ULK3: variants seen among roughly 807,000 people sequenced by gnomAD.
The protein encoded by ULK3 is serine/threonine-protein kinase ULK3.
In ULK3, 54 loss-of-function variants were observed where a neutral mutation model predicts 69.4. The ratio of observed to expected loss-of-function variants is 0.78; its 90% CI spans 0.63 to 0.98. ULK3 has a LOEUF of 0.98. Ranked by LOEUF, ULK3 falls within the 50% of genes least tolerant of loss-of-function variation. The probability of loss-of-function intolerance (pLI) is 0.00; values close to 1 mark genes in which losing one functional copy is unlikely to be tolerated. For missense variants in ULK3, 558 were observed against 627.7 expected (o/e 0.89, Z 1.19); for synonymous variants, 240 against 254.5 (o/e 0.94, Z 0.54).
intron 6 of ULK3, 93 bp downstream of exon 6, chr15:74,840,141 A>T: frequency 7.0e-7 from 1 of 1,427,138 alleles, no homozygotes; most frequent in Non-Finnish European, 9.6e-7. Context: ...TGGAGCCCAT[A>T]CTCCAGTCTC....
chr15:74,838,555 T>A, intron 10 of ULK3, 51 bp from the exon 11 acceptor site: 1 of 1,567,468 alleles, frequency 6.4e-7, no homozygotes. Flanking sequence ...GCCTGTTCGC[T>A]GCAGGATGCC....
At chr15:74,841,572 C>T (rs1378412237) in intron 3 of ULK3, 63 bp from the exon 4 acceptor site, 19 of 1,417,564 alleles carry the variant, frequency 1.3e-5, no homozygotes, top group Non-Finnish European at 1.8e-5. Context: ...CTCTCGCCTC[C>T]CCGGCTCACA....
In ULK3 at chr15:74,837,441, G is replaced by T. The variant is rs372201912; in HGVS notation, c.1336-6C>A. 7.7e-5 allele frequency: 124 copies of T among 1,610,000 alleles called. No homozygotes were observed. Among genetic ancestry groups the T allele is most frequent in the Non-Finnish European group, 1.0e-4 (122 of 1,178,298 alleles). On this transcript the variant is annotated splice_polypyrimidine_tract_variant and splice_region_variant and intron_variant, in intron 14 of 15. Coordinates refer to ENST00000440863, the MANE Select transcript of ULK3 (RefSeq NM_001099436.4). ...TCCCAGCGAGATTCCCTCATCTGTG[G>T]GATGTGAAGGCAGCACAAGGGATGA...
Position 74,838,601 on chromosome 15 carries a change from G to A in ULK3, c.1102+42C>T, listed in dbSNP as rs773542637. 9.4e-6 allele frequency: 15 copies of A among 1,589,684 alleles called. No individual in the cohort carries two copies. In the East Asian group the frequency reaches 3.0e-4, roughly 32 times the overall value. ...CGCCTCCCCCTCAGGCTGTGGGGAG[G>A]TTTGCTGGGGGCCCTGGGGTCAGCC... On this transcript the variant is annotated intron_variant, in intron 10 of 15. Coordinates refer to ENST00000440863, the MANE Select transcript of ULK3 (RefSeq NM_001099436.4).
rs1567235621 is a variant in ULK3 at position 74,839,313 on chromosome 15, A to AT, written c.912dup (p.Ser305IlefsTer17). 1 of 1,567,112 alleles carries AT rather than the reference A, an allele frequency of 6.4e-7. No individual in the cohort carries two copies. Among genetic ancestry groups the AT allele is most frequent in the East Asian group, 2.4e-5 (1 of 42,118 alleles). ...AAGTCCAGAGCCTTGCAGTAGAGTGATAAGGCAGCTGCTGAATCCCCCTCC... is the reference window on the plus strand; with the variant it reads ...AAGTCCAGAGCCTTGCAGTAGAGTGATTAAGGCAGCTGCTGAATCCCCCTCC... On this transcript the variant is annotated frameshift_variant, in exon 8 of 16. Transcript: ENST00000440863. LOFTEE classifies it high-confidence loss of function.
intron 8 of ULK3, 34 bp from the exon 9 acceptor site, chr15:74,839,084 C>A: frequency 6.3e-7 from 1 of 1,588,042 alleles, no homozygotes; most frequent in East Asian, 2.3e-5. Flanking sequence ...GGAGTCTGGG[C>A]GAACCCCTCC....
In ULK3 at chr15:74,843,002, A is replaced by C; in HGVS notation, c.102+2T>G. ...GGCACGGGGCCATCGGCCGGCACCC[A>C]CCTTGGCGTAGGCCTTGTACACCGT... On this transcript the variant is annotated splice_donor_variant, in intron 1 of 15. Coordinates refer to ENST00000440863, the MANE Select transcript of ULK3 (RefSeq NM_001099436.4). LOFTEE classifies it high-confidence loss of function. The C allele has an allele frequency of 6.5e-7, 1 of 1,545,910 alleles. No homozygotes were observed. Among genetic ancestry groups the C allele is most frequent in the Non-Finnish European group, 8.7e-7 (1 of 1,145,172 alleles).
rs1414625848 is a variant in ULK3 at position 74,840,239 on chromosome 15, T to C, written c.691A>G (p.Ile231Val). 6.2e-7 allele frequency: 1 copy of C among 1,609,058 alleles called. No individual in the cohort carries two copies. The highest frequency in any genetic ancestry group is 8.5e-7 in the Non-Finnish European group (1 of 1,178,002). Residue 231 changes from isoleucine (I) to valine (V), a missense_variant, in exon 6 of 16, where the codon ATC (isoleucine) becomes GTC (valine). Ile to Val is a conservative substitution (Grantham distance 29). Transcript: ENST00000440863. ...TAAGGCCCTGCTAGACACACCTCGA[T>C]GACCCGGTTGCTACGGATCTTCTCT... The part of the protein sequence containing the change: ...LEEKIRSNRV[I>V]ELPLRPLLSR...
chr15:74,837,806 G>A lies in ULK3; in HGVS notation c.1288-8C>T, dbSNP rs1268728801. 3 of 1,591,396 alleles carry A rather than the reference G, an allele frequency of 1.9e-6. No individual in the cohort carries two copies. In the South Asian group the frequency reaches 3.4e-5, roughly 18 times the overall value. Reference sequence around the variant, plus strand: ...GGCCATGAGGTTCTGAACCTGCCAAGGAAAGATATGCCCTTGGGTGTGGGG... The same window carrying A: ...GGCCATGAGGTTCTGAACCTGCCAAAGAAAGATATGCCCTTGGGTGTGGGG... On this transcript the variant is annotated splice_region_variant and splice_polypyrimidine_tract_variant and intron_variant, in intron 13 of 15. Transcript: ENST00000440863.
In ULK3 at chr15:74,842,450, C is replaced by T. The variant is rs368717775; in HGVS notation, c.103-30G>A. On this transcript the variant is annotated intron_variant, in intron 1 of 15. Transcript: ENST00000440863. This position sits in a 1 kb window ranked among gnomAD's most constrained non-coding sequence, Gnocchi z 4.9. ...GAGACAGGAGATTTGGGGACTCTGC[C>T]TTGAGGGGGCCAGGACCCTTGTCTG... 15 of 1,613,472 alleles carry T rather than the reference C, an allele frequency of 9.3e-6. No homozygotes were observed. Among genetic ancestry groups the T allele is most frequent in the Non-Finnish European group, 1.1e-5 (13 of 1,179,890 alleles).
intron 9 of ULK3, 118 bp downstream of exon 9, chr15:74,838,892 C>A: frequency 6.9e-7 from 1 of 1,454,526 alleles, no homozygotes; most frequent in African/African-American, 1.4e-5. Flanking sequence ...GACCCATTCC[C>A]AGCTCTGTGT....
At position 74,841,513 on chromosome 15, in the gene ULK3, AG is replaced by A. The variant is rs1467525599; in HGVS notation, c.365-5del. 5 of 1,613,554 alleles carry A rather than the reference AG, an allele frequency of 3.1e-6. No individual in the cohort carries two copies. In the South Asian group the frequency reaches 5.5e-5, roughly 18 times the overall value. On this transcript the variant is annotated splice_region_variant and splice_polypyrimidine_tract_variant and intron_variant, in intron 3 of 15. Coordinates refer to ENST00000440863, the MANE Select transcript of ULK3 (RefSeq NM_001099436.4). ...TGCAGGAATTGCAGGGCGCTAGCTG[AG>A]GAGCAGGACCCACGAAGAGAGACAG...
Position 74,840,260 on chromosome 15 carries a change from T to C in ULK3, c.670A>G (p.Lys224Glu). Reference sequence around the variant, plus strand: ...TCGATGACCCGGTTGCTACGGATCTTCTCTTCCAGCTCCGAGAACGACCTG... The same window carrying C: ...TCGATGACCCGGTTGCTACGGATCTCCTCTTCCAGCTCCGAGAACGACCTG... Reference protein sequence around the residue: ...ASRSFSELEEKIRSNRVIELP... With the variant: ...ASRSFSELEEEIRSNRVIELP... The change falls in exon 6 of 16, where the codon AAG (lysine) becomes GAG (glutamate). Residue 224 changes from lysine to glutamate, a missense_variant. Lys to Glu is a moderately conservative substitution (Grantham distance 56, BLOSUM62 1). Coordinates refer to ENST00000440863, the MANE Select transcript of ULK3 (RefSeq NM_001099436.4). 2 of 1,610,960 alleles carry C rather than the reference T, an allele frequency of 1.2e-6. No homozygotes were observed. The highest frequency in any genetic ancestry group is 1.7e-6 in the Non-Finnish European group (2 of 1,178,770).
chr15:74,837,966 T>G (rs968780065), intron 13 of ULK3, 168 bp from the exon 14 acceptor site: 30 of 1,228,592 alleles, frequency 2.4e-5, no homozygotes, highest in Non-Finnish European at 3.3e-5. Context: ...CTTCCCAGAC[T>G]TTTTGCTGCT....
rs2141160683 is a variant in ULK3, at chr15:74,842,757, C to T, written c.102+247G>A. Reference sequence around the variant, plus strand: ...TCCCAACTGGCTCCAGTCCCAGACTCCTCCCAGCCCACCAGGTAACCTGTT... The same window carrying T: ...TCCCAACTGGCTCCAGTCCCAGACTTCTCCCAGCCCACCAGGTAACCTGTT... On this transcript the variant is annotated intron_variant, in intron 1 of 15. Coordinates refer to ENST00000440863, the MANE Select transcript of ULK3 (RefSeq NM_001099436.4). This position sits in a 1 kb window ranked among gnomAD's most constrained non-coding sequence, Gnocchi z 4.9. The T allele has an allele frequency of 5.3e-6, 8 of 1,503,326 alleles. No individual in the cohort carries two copies. In the South Asian group the frequency reaches 8.8e-5, roughly 17 times the overall value. The allele number at this position is 1,503,326 out of a possible 1,614,324, so 93.1% of individuals were successfully genotyped here. A position where few individuals can be genotyped will look rare whatever the true frequency, so the allele number is the denominator to read the frequency against.
In ULK3 at chr15:74,842,962, G is replaced by T; in HGVS notation, c.102+42C>A. On this transcript the variant is annotated intron_variant, in intron 1 of 15. Coordinates refer to ENST00000440863, the MANE Select transcript of ULK3 (RefSeq NM_001099436.4). This position sits in a 1 kb window ranked among gnomAD's most constrained non-coding sequence, Gnocchi z 4.9. ...AGAGTCTCCCCGGCCGGCACCAGCC[G>T]AGCTAGCTCGGGCGGGCACGGGGCC... The T allele has an allele frequency of 6.5e-7, 1 of 1,533,128 alleles. No homozygotes were observed. The highest frequency in any genetic ancestry group is 1.2e-5 in the South Asian group (1 of 82,906). The allele number at this position is 1,533,128 out of a possible 1,614,324, so 95.0% of individuals were successfully genotyped here. A position where few individuals can be genotyped will look rare whatever the true frequency, so the allele number is the denominator to read the frequency against.
Position 74,841,440 on chromosome 15 carries a change from A to C in ULK3, c.434T>G (p.Leu145Arg). ...TAGGTGGGGCTTCTCCAAGGAGCTC[A>C]GTAGAATGTTCTGTGGCTTCAGATC... ...HLDLKPQNIL[L>R]SSLEKPHLKL... The change falls in exon 4 of 16, where the codon CTG becomes CGG. Residue 145 changes from leucine (L) to arginine (R), a missense_variant. By Grantham distance (102) the Leu-to-Arg change is moderately radical (BLOSUM62 -2). Coordinates refer to ENST00000440863, the MANE Select transcript of ULK3 (RefSeq NM_001099436.4). 1.2e-6 allele frequency: 2 copies of C among 1,613,960 alleles called. No homozygotes were observed. Among genetic ancestry groups the C allele is most frequent in the Non-Finnish European group, 8.5e-7 (1 of 1,179,856 alleles).
At chr15:74,839,527 C>T (rs1297765797) in intron 7 of ULK3, 31 bp downstream of exon 7, 4 of 1,545,038 alleles carry the variant, frequency 2.6e-6, no homozygotes, top group Admixed American at 2.0e-5. Flanking sequence ...AGCCCACCCT[C>T]AGCCCACCCC....
chr15:74,840,201 CCCCAGTGGTCGCTAAGG>C lies in ULK3; in HGVS notation c.696+16_696+32del. The C allele has an allele frequency of 6.3e-7, 1 of 1,584,054 alleles. No homozygotes were observed. Among genetic ancestry groups the C allele is most frequent in the South Asian group, 1.2e-5 (1 of 86,654 alleles). The stretch of plus-strand genomic sequence containing the variant: ...CCTCAGGGCCCTGACTCCCTCTGCC[CCCCAGTGGTCGCTAAGG>C]CCCTGCTAGACACACCTCGATGACC... On this transcript the variant is annotated intron_variant, in intron 6 of 15. Coordinates refer to ENST00000440863, the MANE Select transcript of ULK3 (RefSeq NM_001099436.4).
Sources: allele counts gnomAD v4.1 joint callset, GRCh38; gene constraint gnomAD v4.1.1; non-coding constraint Gnocchi (gnomAD v3.1); transcripts MANE v1.5; gene names NCBI Gene and HGNC (gene_info 2026-07-23, HGNC 2026-07-21).